Variants in EFNB2 observed in about 807,000 individuals in gnomAD.
The protein encoded by EFNB2 is ephrin-B2.
In EFNB2, 5 loss-of-function variants were observed where a neutral mutation model predicts 32.1. That is an observed-to-expected ratio of 0.16 (90% CI 0.08 to 0.33). EFNB2 has a LOEUF of 0.33. Ranked by LOEUF, EFNB2 falls within the 10% of genes least tolerant of loss-of-function variation. EFNB2 has a pLI of 1.00. For synonymous variants in EFNB2, 168 were observed against 166.5 expected, an observed-to-expected ratio of 1.01 and a Z score of -0.07; for missense variants, 263 against 422.6, an observed-to-expected ratio of 0.62 and a Z score of 3.31.
chr13:106,522,479 A>C (rs894012560), intron 1 of EFNB2, among the ~76,000 whole-genome samples: 1 of 152,196 alleles, frequency 6.6e-6, no homozygotes, highest in African/African-American at 2.4e-5. Flanking sequence ...TGAGTGTTCA[A>C]ATCCATTTGC....
chr13:106,522,644 T>G (rs1879562503), intron 1 of EFNB2, among the ~76,000 whole-genome samples: 1 of 152,196 alleles, frequency 6.6e-6, no homozygotes, highest in Non-Finnish European at 1.5e-5. Flanking sequence ...GCATATCTTT[T>G]GTTTTAACCC....
rs774268362 is a variant in EFNB2 at position 106,493,148 on chromosome 13, G to A, written c.894C>T (p.Ser298=). ...CCTTCTCGTAGTGAGGGCAGAAGAC[G>A]CTGTCCGCAGTCCTTAGCGGGATGA... The part of the protein sequence containing the change: ...DIIIPLRTAD[S]VFCPHYEKVS... Residue 298 remains serine (S), a synonymous_variant, in exon 5 of 5, where the codon AGC becomes AGT. Transcript: ENST00000646441. The surrounding 1 kb of genome is among the most constrained non-coding windows in gnomAD (Gnocchi z 6.1). The A allele has an allele frequency of 1.3e-5, 21 of 1,613,944 alleles. No homozygotes were observed. The highest frequency in any genetic ancestry group is 1.1e-4 in the East Asian group (5 of 44,888).
intron 1 of EFNB2, among the ~76,000 whole-genome samples, chr13:106,513,612 C>A (rs1246623491): frequency 9.9e-5 from 15 of 152,218 alleles, no homozygotes; most frequent in Non-Finnish European, 8.8e-5. Flanking sequence ...TAGCTGAAAG[C>A]CTCCCTCCTC....
intron 2 of EFNB2, among the ~76,000 whole-genome samples, chr13:106,501,719 A>G (rs1878787170): frequency 6.6e-6 from 1 of 151,640 alleles, no homozygotes; most frequent in Non-Finnish European, 1.5e-5. Flanking sequence ...CAGCCTCCCG[A>G]GTAGCTGGGA....
intron 1 of EFNB2, among the ~76,000 whole-genome samples, chr13:106,529,058 A>T (rs1481485973): frequency 6.6e-6 from 1 of 152,174 alleles, no homozygotes; most frequent in Non-Finnish European, 1.5e-5. Flanking sequence ...ATTGTATTTT[A>T]TCTTTTTTTC....
intron 2 of EFNB2, chr13:106,506,447 C>G (rs1261203553): frequency 1.3e-5 from 2 of 152,198 alleles, no homozygotes; most frequent in East Asian, 3.8e-4. Context: ...GATCTGCTAA[C>G]AAGCTTGGGC....
At chr13:106,533,271 C>T (rs1173335940) in intron 1 of EFNB2, among the ~76,000 whole-genome samples, 1 of 150,800 alleles carries the variant, frequency 6.6e-6, no homozygotes, top group African/African-American at 2.4e-5. Context: ...GACCGCCTCG[C>T]CCGCCCGCCC....
intron 2 of EFNB2, among the ~76,000 whole-genome samples, chr13:106,497,165 A>G (rs1206014867): frequency 6.6e-6 from 1 of 152,222 alleles, no homozygotes; most frequent in Non-Finnish European, 1.5e-5. Context: ...TACAAAAATA[A>G]GGCACTTATT....
intron 2 of EFNB2, among the ~76,000 whole-genome samples, chr13:106,497,323 CTG>C (rs2138901796): frequency 6.6e-6 from 1 of 151,996 alleles, no homozygotes; most frequent in Non-Finnish European, 1.5e-5. Flanking sequence ...TCTTCTGTAA[CTG>C]TGGATAAATT....
intron 1 of EFNB2, chr13:106,520,558 G>T (rs1879476273): frequency 6.6e-6 from 1 of 152,184 alleles, no homozygotes; most frequent in Non-Finnish European, 1.5e-5. Flanking sequence ...GAAGGACTCT[G>T]CATCATGAGC....
At chr13:106,525,786 C>T (rs1171546454) in intron 1 of EFNB2, among the ~76,000 whole-genome samples, 2 of 152,128 alleles carry the variant, frequency 1.3e-5, no homozygotes, top group African/African-American at 2.4e-5. Context: ...CTTTAAATCT[C>T]GAGGGTACAG....
intron 2 of EFNB2, among the ~76,000 whole-genome samples, chr13:106,499,796 T>C (rs1878712058): frequency 1.3e-5 from 2 of 152,176 alleles, no homozygotes; most frequent in Admixed American, 1.3e-4. Flanking sequence ...TAAAGATACA[T>C]GGGCATTTTA....
rs112844335 is a variant in EFNB2, at chr13:106,497,657, A to G, written c.407-1817T>C. Among the ~76,000 whole-genome samples the G allele has an allele frequency of 1.7e-4, 26 of 152,242 alleles. No individual in the cohort carries two copies. In the Middle Eastern group the frequency reaches 0.01, roughly 60 times the overall value. On this transcript the variant is annotated intron_variant, in intron 2 of 4. Coordinates refer to ENST00000646441, the MANE Select transcript of EFNB2 (RefSeq NM_004093.4). ...CTGCGCCTGTTAACTCGTCATTTAC[A>G]TTAGGTATATCTCCTAATGCTATCC...
At chr13:106,520,188 A>G (rs1879454864) in intron 1 of EFNB2, 2 of 152,258 alleles carry the variant, frequency 1.3e-5, no homozygotes, top group South Asian at 4.1e-4. Flanking sequence ...AGTGTTCTGT[A>G]TCAAGTATAC....
chr13:106,510,393 T>A (rs1163579473), intron 2 of EFNB2, among the ~76,000 whole-genome samples: 1 of 152,256 alleles, frequency 6.6e-6, no homozygotes, highest in Non-Finnish European at 1.5e-5. Flanking sequence ...GTTAAACTCT[T>A]AATGTTTACT....
In EFNB2 at chr13:106,496,342, C is replaced by A. The variant is rs541229451; in HGVS notation, c.407-502G>T. ...TAAACACTAGACCAGGAGCCTCCCACAACCCTTGTCTTCTTTTTTCAGCCT... is the reference window on the plus strand; with the variant it reads ...TAAACACTAGACCAGGAGCCTCCCAAAACCCTTGTCTTCTTTTTTCAGCCT... On this transcript the variant is annotated intron_variant, in intron 2 of 4. Transcript: ENST00000646441. 2.0e-5 allele frequency among the ~76,000 whole-genome samples: 3 copies of A among 152,346 alleles called. No individual in the cohort carries two copies. In the East Asian group the frequency reaches 5.8e-4, roughly 29 times the overall value.
intron 1 of EFNB2, chr13:106,516,185 C>CACACTGAGG (rs1452661337): frequency 6.6e-6 from 1 of 152,206 alleles, no homozygotes; most frequent in African/African-American, 2.4e-5. Flanking sequence ...CGGTACAGGA[C>CACACTGAGG]ACACTGAGGA....
intron 1 of EFNB2, among the ~76,000 whole-genome samples, chr13:106,522,516 G>A (rs199628958): frequency 3.9e-5 from 6 of 152,130 alleles, no homozygotes; most frequent in Admixed American, 1.3e-4. Flanking sequence ...GAAAAATCGC[G>A]GAGATGAAAG....
At chr13:106,510,998 A>AAAAAT (rs932041759) in intron 2 of EFNB2, among the ~76,000 whole-genome samples, 20 of 152,282 alleles carry the variant, frequency 1.3e-4, no homozygotes, top group African/African-American at 3.4e-4. Flanking sequence ...ACTCCGTCTC[A>AAAAAT]AAAATAAAAT....
Sources: gnomAD v4.1 joint callset for allele counts (sites outside exome capture counted in the v4.1 genomes callset) on GRCh38, gnomAD v4.1.1 for gene constraint, Gnocchi (gnomAD v3.1) non-coding constraint, MANE v1.5 for transcripts, NCBI Gene and HGNC (gene_info 2026-07-23, HGNC 2026-07-21) for gene names.